The following TRMT11 variants were observed in gnomAD, a reference collection of about 807,000 sequenced individuals.
The protein encoded by TRMT11 is tRNA (guanine(10)-N(2))-methyltransferase TRMT11.
Under a neutral mutation model 62.8 loss-of-function variants are expected in TRMT11, and 53 were observed. The ratio of observed to expected loss-of-function variants is 0.84; its 90% CI spans 0.68 to 1.06. The LOEUF is 1.06. Among genes scored for constraint, TRMT11 ranks in the 50% least tolerant of loss-of-function variants. The probability of loss-of-function intolerance (pLI) is 0.00; values close to 1 mark genes in which losing one functional copy is unlikely to be tolerated. For missense variants in TRMT11, 556 were observed against 553.4 expected (o/e 1.00, Z -0.05); for synonymous variants, 188 against 190.3 (o/e 0.99, Z 0.10).
the TRMT11 span, chr6:126,258,420 C>CT: frequency 3.0e-6 from 1 of 328,796 alleles, no homozygotes; most frequent in African/African-American, 2.2e-5. Flanking sequence ...GGTGGCTGGC[C>CT]CGGGTTAGCC....
At chr6:126,260,034 T>C in the TRMT11 span, among the ~76,000 whole-genome samples, 1 of 152,204 alleles carries the variant, frequency 6.6e-6, no homozygotes, top group African/African-American at 2.4e-5. Flanking sequence ...TCTATATTTT[T>C]TAATTGAAGA....
At position 126,107,257 on chromosome 6, in the gene TRMT11, G is replaced by A. The variant is rs1777474663; in HGVS notation, c.*1438-5609G>A. 6.6e-5 allele frequency among the ~76,000 whole-genome samples: 10 copies of A among 152,202 alleles called. No homozygotes were observed. The South Asian group carries it at 2.1e-3, about 32-fold the overall frequency. ...AAAATTTCCTTCCTGACAGTTGTTG[G>A]TTATGACTTTGCCTATGTGCAATTA... On this transcript the variant is annotated intron_variant and NMD_transcript_variant, in intron 17 of 22. Coordinates refer to the TRMT11 transcript ENST00000648977.
intron 1 of TRMT11, among the ~76,000 whole-genome samples, chr6:126,191,441 T>A (rs1178251177): frequency 6.6e-6 from 1 of 151,608 alleles, no homozygotes; most frequent in Non-Finnish European, 1.5e-5. Flanking sequence ...CAGGAGATTT[T>A]AGCTTGATGT....
At chr6:126,065,115 TTTGCC>T (rs1373204187) in intron 17 of TRMT11, among the ~76,000 whole-genome samples, 1 of 152,098 alleles carries the variant, frequency 6.6e-6, no homozygotes, top group Non-Finnish European at 1.5e-5. Context: ...ACGTGAACCA[TTTGCC>T]TATGAAAATG....
rs1398320153 is a variant in TRMT11, at chr6:126,001,515, C to T, written c.679+1902C>T. ...GTGTACATGATGGCCTTCTGCCCTG[C>T]ATTGGTATTGGTAATTTTTGATCAT... On this transcript the variant is annotated intron_variant, in intron 7 of 12. Coordinates refer to ENST00000334379, the MANE Select transcript of TRMT11 (RefSeq NM_001031712.3). 9.2e-5 allele frequency among the ~76,000 whole-genome samples: 14 copies of T among 152,030 alleles called. 1 individual carries two copies.
At chr6:126,045,331 C>T (rs1366968586) in intron 16 of TRMT11, among the ~76,000 whole-genome samples, 1 of 152,146 alleles carries the variant, frequency 6.6e-6, no homozygotes, top group Non-Finnish European at 1.5e-5. Context: ...ATCTCAGACC[C>T]TTCATGGTTC....
chr6:126,258,809 T>C, the TRMT11 span, among the ~76,000 whole-genome samples: 5 of 152,320 alleles, frequency 3.3e-5, no homozygotes, highest in South Asian at 1.0e-3. Flanking sequence ...AACAAACATT[T>C]CTTTTTGTTG....
chr6:126,263,329 A>G, the TRMT11 span, among the ~76,000 whole-genome samples: 7 of 152,210 alleles, frequency 4.6e-5, no homozygotes, highest in East Asian at 9.6e-4. Context: ...GGTGATCTCC[A>G]TCGCTAAGTC....
the TRMT11 span, among the ~76,000 whole-genome samples, chr6:126,209,595 G>A: frequency 1.3e-4 from 20 of 151,860 alleles, no homozygotes; most frequent in African/African-American, 3.9e-4. Context: ...GCATGGTGGC[G>A]GGCGCCTGTA....
the TRMT11 span, among the ~76,000 whole-genome samples, chr6:126,222,187 T>G: frequency 6.6e-6 from 1 of 152,240 alleles, no homozygotes; most frequent in East Asian, 1.9e-4. Context: ...TTTTGTAACA[T>G]TATCATGCTG....
chr6:126,257,175 T>C, the TRMT11 span, among the ~76,000 whole-genome samples: 1 of 151,966 alleles, frequency 6.6e-6, no homozygotes, highest in Admixed American at 6.6e-5. Context: ...TGTGAGCCAC[T>C]GTGCCCGGCC....
intron 16 of TRMT11, among the ~76,000 whole-genome samples, chr6:126,045,944 G>A (rs1328332831): frequency 6.6e-6 from 1 of 152,024 alleles, no homozygotes; most frequent in East Asian, 1.9e-4. Context: ...CTTTCAGAGA[G>A]CATTGGCATC....
the TRMT11 span, among the ~76,000 whole-genome samples, chr6:126,264,454 G>A: frequency 2.0e-5 from 3 of 152,228 alleles, no homozygotes; most frequent in South Asian, 2.1e-4. Context: ...TCACAAGGAC[G>A]GAGGTTCAGA....
Position 126,026,805 on chromosome 6 carries a change from T to G in TRMT11, c.1260+5525T>G, listed in dbSNP as rs1040901360. On this transcript the variant is annotated intron_variant, in intron 12 of 12. Coordinates refer to ENST00000334379, the MANE Select transcript of TRMT11 (RefSeq NM_001031712.3). ...ATGGTAGAATGTGGTTTTTTGGGTT[T>G]TTTTTTTTTTTTTTTGAGACGGAGT... Among the ~76,000 whole-genome samples the G allele has an allele frequency of 1.4e-4, 21 of 148,024 alleles. No homozygotes were observed. The East Asian group carries it at 2.9e-3, about 21-fold the overall frequency.
chr6:126,042,698 C>T (rs1050378185), downstream of TRMT11, among the ~76,000 whole-genome samples: 8 of 152,214 alleles, frequency 5.3e-5, no homozygotes, highest in Admixed American at 1.3e-4. Context: ...GAGGATTTAT[C>T]GGAAGAACTC....
At chr6:126,000,343 G>A (rs1050985900) in intron 7 of TRMT11, among the ~76,000 whole-genome samples, 1 of 152,094 alleles carries the variant, frequency 6.6e-6, no homozygotes, top group East Asian at 1.9e-4. Context: ...GTTGGAGCCT[G>A]TCCCTGTAGC....
chr6:126,220,034 T>C, the TRMT11 span, among the ~76,000 whole-genome samples: 9 of 152,162 alleles, frequency 5.9e-5, no homozygotes, highest in East Asian at 1.9e-4. Flanking sequence ...GAAGGCATTG[T>C]TGTAGTTATT....
chr6:126,249,130 A>G, the TRMT11 span, among the ~76,000 whole-genome samples: 1 of 152,166 alleles, frequency 6.6e-6, no homozygotes, highest in Non-Finnish European at 1.5e-5. Flanking sequence ...AAATAATGCC[A>G]GAATATCAGT....
At chr6:126,069,446 G>A (rs376000633) in intron 17 of TRMT11, among the ~76,000 whole-genome samples, 5 of 151,946 alleles carry the variant, frequency 3.3e-5, no homozygotes, top group Admixed American at 1.3e-4. Flanking sequence ...TTTCTATCTC[G>A]TTTTCTTTTC....
Sources: allele counts gnomAD v4.1 joint callset (sites outside exome capture counted in the v4.1 genomes callset), GRCh38; gene constraint gnomAD v4.1.1; transcripts MANE v1.5; gene names NCBI Gene and HGNC (gene_info 2026-07-23, HGNC 2026-07-21).